Variants in MYO1E observed in about 807,000 individuals in gnomAD.
The protein encoded by MYO1E is unconventional myosin-Ie.
A neutral mutation model predicts 151.1 loss-of-function variants in MYO1E; 68 were observed. The ratio of observed to expected loss-of-function variants is 0.45; its 90% CI spans 0.37 to 0.55. The LOEUF (loss-of-function observed/expected upper bound fraction) is 0.55. Among genes scored for constraint, MYO1E ranks in the 20% least tolerant of loss-of-function variants. MYO1E has a pLI of 0.00. For missense variants in MYO1E, 1,363 were observed against 1,389.3 expected (o/e 0.98, Z 0.30); for synonymous variants, 601 against 501.7 (o/e 1.20, Z -2.64).
intron 5 of MYO1E, among the ~76,000 whole-genome samples, chr15:59,233,457 A>G (rs1369112287): frequency 6.6e-6 from 1 of 152,084 alleles, no homozygotes; most frequent in Non-Finnish European, 1.5e-5. Flanking sequence ...TGAGGTCAAC[A>G]GATCAAGACC....
At chr15:59,323,817 G>T (rs567582698) in intron 1 of MYO1E, among the ~76,000 whole-genome samples, 1 of 152,202 alleles carries the variant, frequency 6.6e-6, no homozygotes, top group East Asian at 1.9e-4. Flanking sequence ...AAAGGGTGCA[G>T]CCAGAGAGGG....
In MYO1E at chr15:59,195,349, G is replaced by A. The variant is rs2079759992; in HGVS notation, c.1805+112C>T. On this transcript the variant is annotated intron_variant, in intron 17 of 27. Coordinates refer to ENST00000288235, the MANE Select transcript of MYO1E (RefSeq NM_004998.4). ...TGAAAAAGTTAAGATGCAAGGGCAT[G>A]ACAAAGACATGTGCGGACAACTGAC... 4.2e-6 allele frequency: 4 copies of A among 954,116 alleles called. No homozygotes were observed. The South Asian group carries it at 5.3e-5, about 13-fold the overall frequency. The allele number at this position is 954,116 out of a possible 1,614,324, so 59.1% of individuals were successfully genotyped here.
chr15:59,160,981 G>T (rs2079534797), intron 24 of MYO1E, 92 bp downstream of exon 24: 1 of 1,519,970 alleles, frequency 6.6e-7, no homozygotes, highest in South Asian at 1.1e-5. Flanking sequence ...CTGATTCTCA[G>T]CCCCCACATC....
At chr15:59,180,063 G>C (rs1351045505) in intron 18 of MYO1E, among the ~76,000 whole-genome samples, 1 of 152,232 alleles carries the variant, frequency 6.6e-6, no homozygotes, top group East Asian at 1.9e-4. Context: ...CGACTCAGGT[G>C]ATTTTAGGAG....
chr15:59,337,889 C>A (rs925664824), intron 1 of MYO1E, among the ~76,000 whole-genome samples: 2 of 152,154 alleles, frequency 1.3e-5, no homozygotes, highest in African/African-American at 4.8e-5. Context: ...AAAATCTAAG[C>A]TTAGATATAT....
At chr15:59,139,710 G>C (rs1438976952) in intron 26 of MYO1E, among the ~76,000 whole-genome samples, 1 of 143,974 alleles carries the variant, frequency 6.9e-6, no homozygotes, top group South Asian at 2.3e-4. Flanking sequence ...TTATTACTCT[G>C]CAGACTTCCC....
intron 1 of MYO1E, among the ~76,000 whole-genome samples, chr15:59,344,097 T>A (rs1469578744): frequency 6.6e-6 from 1 of 152,138 alleles, no homozygotes; most frequent in Non-Finnish European, 1.5e-5. Flanking sequence ...CACTGAAGAG[T>A]TAAGAATTTA....
At chr15:59,194,661 TGTAGTTTAA>T (rs1411993131) in intron 17 of MYO1E, among the ~76,000 whole-genome samples, 7 of 152,330 alleles carry the variant, frequency 4.6e-5, no homozygotes, top group Middle Eastern at 3.4e-3. Context: ...GGGTCCTCTC[TGTAGTTTAA>T]GTCTCTCCCT....
At chr15:59,278,347 A>G (rs1409164513) in intron 1 of MYO1E, among the ~76,000 whole-genome samples, 1 of 152,238 alleles carries the variant, frequency 6.6e-6, no homozygotes, top group Non-Finnish European at 1.5e-5. Flanking sequence ...TCTGGCCTGC[A>G]GTCAAACTGA....
At chr15:59,213,060 T>G (rs968365050) in intron 12 of MYO1E, among the ~76,000 whole-genome samples, 2 of 152,040 alleles carry the variant, frequency 1.3e-5, no homozygotes, top group Non-Finnish European at 1.5e-5. Context: ...CAGTTTGTGG[T>G]GCTTTGTTAT....
At chr15:59,300,772 G>A (rs919690394) in intron 1 of MYO1E, among the ~76,000 whole-genome samples, 1 of 152,010 alleles carries the variant, frequency 6.6e-6, no homozygotes, top group Non-Finnish European at 1.5e-5. Flanking sequence ...TCACAGGCTA[G>A]CTCTAAGAAG....
chr15:59,352,998 C>T (rs1196384716), intron 1 of MYO1E, among the ~76,000 whole-genome samples: 1 of 152,106 alleles, frequency 6.6e-6, no homozygotes, highest in Non-Finnish European at 1.5e-5. Flanking sequence ...TCCCAAACTC[C>T]GGTTTGCAGG....
In MYO1E at chr15:59,137,398, G is replaced by C; in HGVS notation, c.3309C>G (p.Asn1103Lys). The change falls in exon 28 of 28, where the codon AAC (asparagine) becomes AAG (lysine). Residue 1103 changes from asparagine to lysine, a missense_variant. Physicochemically the swap from Asn to Lys is moderately conservative, Grantham distance 94. Transcript: ENST00000288235. ...LRGKQGLFPN[N>K]YVTKI Reference sequence around the variant, plus strand: ...GGGCACCTCAGATCTTGGTCACATAGTTGTTGGGGAACAGGCCCTGCTTGC... The same window carrying C: ...GGGCACCTCAGATCTTGGTCACATACTTGTTGGGGAACAGGCCCTGCTTGC... 6.2e-7 allele frequency: 1 copy of C among 1,614,178 alleles called. No individual in the cohort carries two copies. Among genetic ancestry groups the C allele is most frequent in the Non-Finnish European group, 8.5e-7 (1 of 1,180,018 alleles).
At chr15:59,277,945 C>A (rs1180220211) in intron 1 of MYO1E, among the ~76,000 whole-genome samples, 1 of 152,118 alleles carries the variant, frequency 6.6e-6, no homozygotes, top group Non-Finnish European at 1.5e-5. Context: ...GAAATGTAAC[C>A]TTTATTTTCC....
At chr15:59,325,100 T>A (rs2080655328) in intron 1 of MYO1E, among the ~76,000 whole-genome samples, 1 of 151,958 alleles carries the variant, frequency 6.6e-6, no homozygotes, top group African/African-American at 2.4e-5. Context: ...AGTGGCACAA[T>A]CTCAGCTCAC....
Position 59,236,586 on chromosome 15 carries a change from T to C in MYO1E, c.419A>G (p.Gln140Arg), listed in dbSNP as rs775516893. 2.5e-6 allele frequency: 4 copies of C among 1,611,456 alleles called. No homozygotes were observed. Among genetic ancestry groups the C allele is most frequent in the Middle Eastern group, 1.6e-4 (1 of 6,078 alleles). The change falls in exon 5 of 28, where the codon CAG (glutamine) becomes CGG (arginine). Residue 140 changes from glutamine (Q) to arginine (R), a missense_variant and splice_region_variant. Coordinates refer to ENST00000288235, the MANE Select transcript of MYO1E (RefSeq NM_004998.4). ...SRVSGGGTKV[Q>R]HVKDIILQSN... ...CATAATGGGCCACTGCCCACTCACC[T>C]GGACTTTGGTCCCTCCTCCAGACAC...
chr15:59,307,696 T>G (rs1222669417), intron 1 of MYO1E, among the ~76,000 whole-genome samples: 2 of 152,004 alleles, frequency 1.3e-5, no homozygotes, highest in African/African-American at 4.8e-5. Flanking sequence ...CGGCAACCTC[T>G]GCCTCCAGGG....
At chr15:59,329,850 C>G (rs2080687894) in intron 1 of MYO1E, among the ~76,000 whole-genome samples, 1 of 152,164 alleles carries the variant, frequency 6.6e-6, no homozygotes, top group Admixed American at 6.5e-5. Context: ...CACTGGAATG[C>G]AGATTAATAA....
chr15:59,315,378 C>A (rs1484483610), intron 1 of MYO1E, among the ~76,000 whole-genome samples: 3 of 152,022 alleles, frequency 2.0e-5, no homozygotes, highest in East Asian at 3.9e-4. Flanking sequence ...AGGGGTCTTA[C>A]GAAAGGTCTA....
Sources: gnomAD v4.1 joint callset for allele counts (sites outside exome capture counted in the v4.1 genomes callset) on GRCh38, gnomAD v4.1.1 for gene constraint, MANE v1.5 for transcripts, NCBI Gene and HGNC (gene_info 2026-07-23, HGNC 2026-07-21) for gene names.